Variants in C12orf56 observed in about 807,000 individuals in gnomAD.
The protein encoded by C12orf56 is uncharacterized protein C12orf56.
C12orf56 carries 71 observed loss-of-function variants against 69.9 expected under a neutral mutation model. That is an observed-to-expected ratio of 1.02 (90% CI 0.84 to 1.24). The LOEUF is 1.24. C12orf56 is among the 50% of genes most tolerant of loss of function. The pLI is 0.00. For synonymous variants in C12orf56, 276 were observed against 274.1 expected, an observed-to-expected ratio of 1.01 and a Z score of -0.07; for missense variants, 732 against 738.5, an observed-to-expected ratio of 0.99 and a Z score of 0.10.
intron 5 of C12orf56, among the ~76,000 whole-genome samples, chr12:64,312,240 G>A (rs77947459): frequency 0.031 from 4,675 of 152,268 alleles, 107 homozygotes; most frequent in Middle Eastern, 0.085. Flanking sequence ...TGTGTTTGCA[G>A]ACTTAACCGT....
At chr12:64,303,495 T>C in intron 6 of C12orf56, 140 bp downstream of exon 6, 1 of 715,354 alleles carries the variant, frequency 1.4e-6, no homozygotes, top group Non-Finnish European at 2.2e-6. Flanking sequence ...CATTAAGACA[T>C]GACTACATTA....
Position 64,281,398 on chromosome 12 carries a change from G to A in C12orf56, c.1310+3266C>T, listed in dbSNP as rs542352126. ...CCAGTCTGGCCAACATGGTGAAACCGTCTTAACTAAAAACATAAAAAAAAT... is the reference window on the plus strand; with the variant it reads ...CCAGTCTGGCCAACATGGTGAAACCATCTTAACTAAAAACATAAAAAAAAT... On this transcript the variant is annotated intron_variant, in intron 8 of 12. Coordinates refer to ENST00000543942, the MANE Select transcript of C12orf56 (RefSeq NM_001170633.2). Among the ~76,000 whole-genome samples the A allele has an allele frequency of 1.6e-4, 25 of 152,018 alleles. No homozygotes were observed. In the South Asian group the frequency reaches 3.3e-3, roughly 20 times the overall value.
At chr12:64,275,008 T>G (rs771267566) in intron 10 of C12orf56, 33 bp from the exon 11 acceptor site, 2 of 1,530,976 alleles carry the variant, frequency 1.3e-6, no homozygotes, top group South Asian at 2.2e-5. Context: ...CAAGTTATAT[T>G]CATAAAGTTC....
At chr12:64,276,904 G>A (rs2038057757) in intron 9 of C12orf56, among the ~76,000 whole-genome samples, 2 of 149,944 alleles carry the variant, frequency 1.3e-5, no homozygotes, top group Admixed American at 6.8e-5. Flanking sequence ...TGAAGTGAGA[G>A]CATTACTTGA....
chr12:64,275,520 G>T (rs1220954407), intron 9 of C12orf56, 148 bp from the exon 10 acceptor site: 3 of 448,202 alleles, frequency 6.7e-6, no homozygotes, highest in South Asian at 4.6e-5. Context: ...GGAGTACAGT[G>T]CTGTGGTCAT....
chr12:64,364,347 C>A (rs1272189031), intron 1 of C12orf56, among the ~76,000 whole-genome samples: 7 of 152,084 alleles, frequency 4.6e-5, no homozygotes, highest in Non-Finnish European at 8.8e-5. Context: ...ATGTCTGAAA[C>A]CTTGGACCAT....
At chr12:64,358,482 A>AATAATAATAATAATAATCATCATCATC (rs11275269) in intron 1 of C12orf56, among the ~76,000 whole-genome samples, 12 of 125,942 alleles carry the variant, frequency 9.5e-5, no homozygotes, top group African/African-American at 2.1e-4. Flanking sequence ...TAATAATAAT[A>AATAATAATAATAATAATCATCATCATC]ATCATCATCA....
rs200351319 is a variant in C12orf56 at position 64,276,993 on chromosome 12, T to TAAAAAAAAAAAAAAAAAAAAAAA, written c.1434+664_1434+686dup. 4.8e-4 allele frequency among the ~76,000 whole-genome samples: 33 copies of TAAAAAAAAAAAAAAAAAAAAAAA among 69,212 alleles called. 2 individuals carry two copies. Among genetic ancestry groups the TAAAAAAAAAAAAAAAAAAAAAAA allele is most frequent in the African/African-American group, 1.9e-3 (33 of 17,386 alleles). 45.4% of individuals were successfully genotyped at this position (69,212 alleles called of 152,430 possible). ...TGGGCAACAGAGTGAAACCCTTTCTTAAAAAAAAAAAAAAAAAAAAAAATT... is the reference window on the plus strand; with the variant it reads ...TGGGCAACAGAGTGAAACCCTTTCTTAAAAAAAAAAAAAAAAAAAAAAAAAAAAAAAAAAAAAAAAAAAAAATT... On this transcript the variant is annotated intron_variant, in intron 9 of 12. Transcript: ENST00000543942.
chr12:64,338,910 G>T (rs1038881573), intron 2 of C12orf56: 1 of 548,286 alleles, frequency 1.8e-6, no homozygotes, highest in African/African-American at 1.9e-5. Flanking sequence ...TACTTTTTGA[G>T]AACATTTTTA....
At position 64,266,014 on chromosome 12, in the gene C12orf56, A is replaced by G. The variant is rs1325726253; in HGVS notation, c.*1169T>C. The G allele has an allele frequency of 2.0e-5, 3 of 152,212 alleles. No individual in the cohort carries two copies. Among genetic ancestry groups the G allele is most frequent in the Non-Finnish European group, 2.9e-5 (2 of 68,038 alleles). The allele number at this position is 152,212 out of a possible 1,614,324, so 9.4% of individuals were successfully genotyped here. A position where few individuals can be genotyped will look rare whatever the true frequency, so the allele number is the denominator to read the frequency against. Reference sequence around the variant, plus strand: ...CATGCACTTAATTTTGTTGAAGTCCAAGCTTCTTTCTCTATGATAAAAGAG... The same window carrying G: ...CATGCACTTAATTTTGTTGAAGTCCGAGCTTCTTTCTCTATGATAAAAGAG... On this transcript the variant is annotated 3_prime_UTR_variant, in exon 13 of 13. Transcript: ENST00000543942.
At chr12:64,360,100 T>A (rs989754592) in intron 1 of C12orf56, among the ~76,000 whole-genome samples, 6 of 152,008 alleles carry the variant, frequency 3.9e-5, no homozygotes, top group Non-Finnish European at 7.3e-5. Context: ...AAAGAAATAT[T>A]TTTTTGCTTT....
chr12:64,303,174 T>C (rs2038469011), intron 6 of C12orf56, among the ~76,000 whole-genome samples: 2 of 151,802 alleles, frequency 1.3e-5, no homozygotes, highest in Non-Finnish European at 2.9e-5. Flanking sequence ...CTTGGGAGGC[T>C]GAGGTAAGAG....
Position 64,370,698 on chromosome 12 carries a change from C to G in C12orf56, c.253-17642G>C, listed in dbSNP as rs2039559115. Among the ~76,000 whole-genome samples the G allele has an allele frequency of 1.3e-5, 2 of 151,614 alleles. 1 individual carries two copies. Among genetic ancestry groups the G allele is most frequent in the South Asian group, 4.2e-4 (2 of 4,812 alleles). On this transcript the variant is annotated intron_variant, in intron 1 of 12. Transcript: ENST00000543942. ...ATTGCACCAAGTTTAAAATTGAAAA[C>G]AGAAGAAAAAAACTAGAATAACTGA...
At chr12:64,367,372 A>C (rs1313855442) in intron 1 of C12orf56, among the ~76,000 whole-genome samples, 1 of 145,128 alleles carries the variant, frequency 6.9e-6, no homozygotes, top group Non-Finnish European at 1.5e-5. Flanking sequence ...TATATAGTTT[A>C]GTTTATATAT....
At chr12:64,308,078 G>A (rs938628531) in intron 5 of C12orf56, among the ~76,000 whole-genome samples, 4 of 152,036 alleles carry the variant, frequency 2.6e-5, no homozygotes, top group Non-Finnish European at 4.4e-5. Context: ...TAGCACTTTA[G>A]GAGGCCCAGG....
At chr12:64,305,116 G>A (rs2038494619) in intron 5 of C12orf56, among the ~76,000 whole-genome samples, 1 of 151,848 alleles carries the variant, frequency 6.6e-6, no homozygotes, top group Non-Finnish European at 1.5e-5. Flanking sequence ...TTATTAACCT[G>A]AAAATTAAGA....
intron 2 of C12orf56, among the ~76,000 whole-genome samples, chr12:64,331,915 C>T (rs537048102): frequency 6.6e-6 from 1 of 151,430 alleles, no homozygotes; most frequent in Non-Finnish European, 1.5e-5. Flanking sequence ...TTGCTCTCTT[C>T]CTATAGTTAC....
intron 12 of C12orf56, among the ~76,000 whole-genome samples, chr12:64,268,152 G>A (rs945320869): frequency 3.9e-5 from 6 of 152,180 alleles, no homozygotes; most frequent in Non-Finnish European, 7.3e-5. Context: ...AATGCAATGT[G>A]AGTTGAAAAC....
At chr12:64,299,728 C>T (rs776631237) in intron 6 of C12orf56, among the ~76,000 whole-genome samples, 12 of 151,960 alleles carry the variant, frequency 7.9e-5, no homozygotes, top group South Asian at 2.1e-4. Context: ...TGCTAATTCT[C>T]GATGGTAGAA....
Sources: allele counts gnomAD v4.1 joint callset (sites outside exome capture counted in the v4.1 genomes callset), GRCh38; gene constraint gnomAD v4.1.1; transcripts MANE v1.5; gene names NCBI Gene and HGNC (gene_info 2026-07-23, HGNC 2026-07-21).